ZNF18: variants seen among roughly 807,000 people sequenced by gnomAD.
The protein encoded by ZNF18 is zinc finger protein 18.
ZNF18 carries 42 observed loss-of-function variants against 58.1 expected under a neutral mutation model. The ratio of observed to expected loss-of-function variants is 0.72; its 90% CI spans 0.56 to 0.93. The LOEUF (loss-of-function observed/expected upper bound fraction) is 0.93, where lower values mean the gene tolerates loss of function less well. Among genes scored for constraint, ZNF18 ranks in the 40% least tolerant of loss-of-function variants. The probability of loss-of-function intolerance (pLI) is 0.00; values close to 1 mark genes in which losing one functional copy is unlikely to be tolerated. For missense variants in ZNF18, 540 were observed against 644.2 expected (o/e 0.84, Z 1.75); for synonymous variants, 231 against 239.8 (o/e 0.96, Z 0.34).
chr17:12,003,805 G>C, the ZNF18 span, among the ~76,000 whole-genome samples: 27 of 152,326 alleles, frequency 1.8e-4, no homozygotes, highest in Non-Finnish European at 3.1e-4. Flanking sequence ...CGACAAAGAA[G>C]TTAAGCTTCA....
In ZNF18 at chr17:11,978,588, CCTT is replaced by C. The variant is rs777043524; in HGVS notation, c.1016_1018del (p.Glu339del). The C allele has an allele frequency of 4.3e-6, 7 of 1,614,132 alleles. No homozygotes were observed. The highest frequency in any genetic ancestry group is 1.1e-5 in the South Asian group (1 of 91,074). ...TTGCAGAGCCTCAGGGAGATTCTCT[CCTT>C]CTCCAAAGCATCCTGGCTCATCCTC... On this transcript the variant is annotated inframe_deletion, in exon 7 of 7. Coordinates refer to ENST00000580306, the MANE Select transcript of ZNF18 (RefSeq NM_001303281.2).
intron 2 of ZNF18, among the ~76,000 whole-genome samples, 194 bp from the exon 3 acceptor site, chr17:11,991,357 C>A (rs771301121): frequency 6.6e-6 from 1 of 152,312 alleles, no homozygotes; most frequent in East Asian, 1.9e-4. Flanking sequence ...AGCTGAGGCC[C>A]GAATCAGGCG....
upstream of ZNF18, among the ~76,000 whole-genome samples, chr17:12,001,980 A>G (rs554884327): frequency 6.6e-6 from 1 of 152,318 alleles, no homozygotes; most frequent in South Asian, 2.1e-4. Flanking sequence ...GGTTTAAAAA[A>G]AAGTAAAAGC....
At chr17:12,001,726 G>A (rs1166368572), upstream of ZNF18, among the ~76,000 whole-genome samples, 1 of 152,092 alleles carries the variant, frequency 6.6e-6, no homozygotes, top group Non-Finnish European at 1.5e-5. Flanking sequence ...AAGTAGGTGA[G>A]GTGATGAATG....
intron 6 of ZNF18, among the ~76,000 whole-genome samples, chr17:11,981,868 G>A (rs1389050098): frequency 6.6e-6 from 1 of 152,050 alleles, no homozygotes; most frequent in East Asian, 1.9e-4. Context: ...AAGTTCTATG[G>A]ACTAAACTGT....
At chr17:12,008,233 A>G in the ZNF18 span, among the ~76,000 whole-genome samples, 1 of 152,222 alleles carries the variant, frequency 6.6e-6, no homozygotes, top group Non-Finnish European at 1.5e-5. Flanking sequence ...CCTTCCAACC[A>G]GAAGTTGGAA....
intron 6 of ZNF18, among the ~76,000 whole-genome samples, chr17:11,979,647 A>T (rs73980546): frequency 0.045 from 6,897 of 152,240 alleles, 549 homozygotes; most frequent in African/African-American, 0.16. Context: ...AACTATATAG[A>T]TCTAAAGATG....
At chr17:11,980,946 T>C (rs1329765006) in intron 6 of ZNF18, among the ~76,000 whole-genome samples, 3 of 152,248 alleles carry the variant, frequency 2.0e-5, no homozygotes, top group African/African-American at 7.2e-5. Flanking sequence ...ATAACTACTT[T>C]AAAAACTTTA....
At position 11,984,202 on chromosome 17, in the gene ZNF18, A is replaced by T; in HGVS notation, c.667-5T>A. 1 of 109,512 alleles carries T rather than the reference A, an allele frequency of 9.1e-6. No individual in the cohort carries two copies. The highest frequency in any genetic ancestry group is 1.8e-5 in the Non-Finnish European group (1 of 54,554). The allele number at this position is 109,512 out of a possible 1,614,324, so 6.8% of individuals were successfully genotyped here. On this transcript the variant is annotated splice_polypyrimidine_tract_variant and splice_region_variant and intron_variant, in intron 4 of 6. Transcript: ENST00000580306. The stretch of plus-strand genomic sequence containing the variant: ...ATCCAGTTGTCTCCACTGTTCCTGG[A>T]AAAAAAAAAAAAAAAGCAATACAAT...
the ZNF18 span, among the ~76,000 whole-genome samples, chr17:12,005,787 CT>C: frequency 1.7e-3 from 265 of 152,220 alleles, 3 homozygotes; most frequent in African/African-American, 5.8e-3. Flanking sequence ...TTACCATAGA[CT>C]TTTTAACTTT....
chr17:11,993,761 T>G (rs1446812140), intron 1 of ZNF18: 1 of 135,906 alleles, frequency 7.4e-6, no homozygotes. Flanking sequence ...GAGGTGGAGC[T>G]TGCAGTGAGC....
chr17:12,021,288 C>T, the ZNF18 span: 2 of 214,784 alleles, frequency 9.3e-6, no homozygotes. Flanking sequence ...TCCGGGACCG[C>T]CCCCGCGGCC....
rs150200103 is a variant in ZNF18 at position 11,978,207 on chromosome 17, T to C, written c.1400A>G (p.Asp467Gly). 155 of 1,614,134 alleles carry C rather than the reference T, an allele frequency of 9.6e-5. No homozygotes were observed. Among genetic ancestry groups the C allele is most frequent in the Non-Finnish European group, 1.3e-4 (150 of 1,180,014 alleles). Reference sequence around the variant, plus strand: ...GTCACTAAAGCCTTTCCCACAGTAATCACATTTACAGGGCTTCTCTCCCGT... The same window carrying C: ...GTCACTAAAGCCTTTCCCACAGTAACCACATTTACAGGGCTTCTCTCCCGT... ...THTGEKPCKC[D>G]YCGKGFSDFS... The change falls in exon 7 of 7, where the codon GAT becomes GGT. Residue 467 changes from aspartate (D) to glycine (G), a missense_variant. Physicochemically the swap from Asp to Gly is moderately conservative, Grantham distance 94. Transcript: ENST00000580306.
intron 6 of ZNF18, 98 bp from the exon 7 acceptor site, chr17:11,978,842 T>C: frequency 2.4e-6 from 1 of 424,016 alleles, no homozygotes; most frequent in Non-Finnish European, 3.6e-6. Flanking sequence ...TTCATTTTCT[T>C]TTTTTTTTTT....
chr17:11,982,908 G>A (rs927292926), intron 6 of ZNF18, among the ~76,000 whole-genome samples: 1 of 152,094 alleles, frequency 6.6e-6, no homozygotes, highest in African/African-American at 2.4e-5. Flanking sequence ...TTTGTTTTAT[G>A]TCTAGATACT....
At chr17:11,990,911 T>C in intron 3 of ZNF18, 63 bp downstream of exon 3, 2 of 1,539,088 alleles carry the variant, frequency 1.3e-6, no homozygotes, top group African/African-American at 1.4e-5. Flanking sequence ...TTCAACTCAC[T>C]TAGGCCTACT....
chr17:11,983,613 G>C (rs80287775), intron 5 of ZNF18, among the ~76,000 whole-genome samples: 1,642 of 151,988 alleles, frequency 0.011, 33 homozygotes, highest in African/African-American at 0.038. Context: ...GCCATGAAAA[G>C]AAGAGTCTAG....
At chr17:12,009,598 G>A in the ZNF18 span, among the ~76,000 whole-genome samples, 3 of 151,836 alleles carry the variant, frequency 2.0e-5, no homozygotes, top group African/African-American at 7.3e-5. Flanking sequence ...GATTACAGGC[G>A]CCCGTCACCA....
chr17:11,999,638 T>C (rs76338174), upstream of ZNF18, among the ~76,000 whole-genome samples: 1,365 of 152,298 alleles, frequency 9.0e-3, 22 homozygotes, highest in African/African-American at 0.031. Context: ...CCAATAGCTA[T>C]ATATGCAAGA....
Sources: gnomAD v4.1 joint callset for allele counts (sites outside exome capture counted in the v4.1 genomes callset) on GRCh38, gnomAD v4.1.1 for gene constraint, MANE v1.5 for transcripts, NCBI Gene and HGNC (gene_info 2026-07-23, HGNC 2026-07-21) for gene names.